GLIS3: variants seen among roughly 807,000 people sequenced by gnomAD.
GLIS3 encodes zinc finger protein GLIS3.
A neutral mutation model predicts 78.6 loss-of-function variants in GLIS3; 53 were observed. The observed-to-expected ratio is 0.67, with a 90% confidence interval of 0.54 to 0.85. The LOEUF (loss-of-function observed/expected upper bound fraction) is 0.85. Among genes scored for constraint, GLIS3 ranks in the 40% least tolerant of loss-of-function variants. The pLI, the probability that GLIS3 is intolerant of heterozygous loss-of-function variation, is 0.00. For synonymous variants in GLIS3, 684 were observed against 509.9 expected (o/e 1.34, Z -4.60); for missense variants, 1,703 against 1,231.1 (o/e 1.38, Z -5.74).
At position 4,059,830 on chromosome 9, in the gene GLIS3, G is replaced by GTC. The variant is rs1554684247; in HGVS notation, c.1710+57937_1710+57938insGA. On this transcript the variant is annotated intron_variant, in intron 4 of 10. Transcript: ENST00000381971. ...TGTGTGTGTGTGTGTGTGTGTGTGT[G>GTC]AGAGAGAGAGAGAGAGAGAGAGAGA... is the stretch of plus-strand genomic sequence containing the variant. Among the ~76,000 whole-genome samples, 240 of 29,462 alleles carry GTC rather than the reference G, an allele frequency of 8.1e-3. 2 individuals are homozygous for GTC. The highest frequency in any genetic ancestry group is 0.045 in the Middle Eastern group (2 of 44). 19.3% of individuals were successfully genotyped at this position (29,462 alleles called of 152,430 possible).
At chr9:4,008,685 T>C (rs1821751193) in intron 4 of GLIS3, among the ~76,000 whole-genome samples, 1 of 152,134 alleles carries the variant, frequency 6.6e-6, no homozygotes, top group Non-Finnish European at 1.5e-5. Context: ...TGCTTGCTTA[T>C]GTGAATTCTG....
chr9:4,017,814 T>A (rs1000081192), intron 4 of GLIS3, among the ~76,000 whole-genome samples: 4 of 152,176 alleles, frequency 2.6e-5, no homozygotes, highest in African/African-American at 9.7e-5. Context: ...GGGCACTAAG[T>A]CTCTGATGAA....
chr9:3,957,807 C>T (rs1453533954), intron 4 of GLIS3, among the ~76,000 whole-genome samples: 1 of 152,116 alleles, frequency 6.6e-6, no homozygotes, highest in Non-Finnish European at 1.5e-5. Flanking sequence ...GCATTTATAT[C>T]ATCTGCTCAG....
intron 4 of GLIS3, among the ~76,000 whole-genome samples, chr9:4,048,014 T>G (rs1410698113): frequency 6.6e-6 from 1 of 152,142 alleles, no homozygotes; most frequent in Non-Finnish European, 1.5e-5. Flanking sequence ...TGGGCAAGAC[T>G]CAGGGCTTAG....
chr9:3,864,060 G>C (rs945786461), intron 8 of GLIS3, among the ~76,000 whole-genome samples: 1 of 152,062 alleles, frequency 6.6e-6, no homozygotes, highest in Non-Finnish European at 1.5e-5. Flanking sequence ...GGCTGATTCT[G>C]CCAAATCCTC....
the GLIS3 span, among the ~76,000 whole-genome samples, chr9:4,426,251 G>A: frequency 6.6e-6 from 1 of 152,284 alleles, no homozygotes; most frequent in East Asian, 1.9e-4. Context: ...GATTTTAGAA[G>A]CTTCAGTTGT....
rs1465680597 is a variant in GLIS3 at position 3,879,446 on chromosome 9, C to T, written c.2278G>A (p.Val760Met). The T allele has an allele frequency of 1.2e-6, 2 of 1,614,148 alleles. No homozygotes were observed. The highest frequency in any genetic ancestry group is 1.7e-5 in the Admixed American group (1 of 60,030). ...PSSQLPPLTA[V>M]DAGAERFAPS... ...CCTTACCTCTCAGCTCCTGCGTCCA[C>T]AGCTGTGAGTGGAGGTAACTGGGAG... The change falls in exon 8 of 11, where the codon GTG becomes ATG. Residue 760 changes from valine to methionine, a missense_variant. By Grantham distance (21) the Val-to-Met change is conservative. Transcript: ENST00000381971.
intron 2 of GLIS3, among the ~76,000 whole-genome samples, chr9:4,277,051 T>C (rs1198496370): frequency 6.6e-6 from 1 of 152,188 alleles, no homozygotes; most frequent in Non-Finnish European, 1.5e-5. Flanking sequence ...ACCACGGATT[T>C]TGCCCCAACC....
At chr9:4,370,585 C>T in the GLIS3 span, among the ~76,000 whole-genome samples, 3,317 of 151,982 alleles carry the variant, frequency 0.022, 56 homozygotes, top group Non-Finnish European at 0.032. Context: ...AACTGTGCCT[C>T]GTGTGGAAGG....
the GLIS3 span, among the ~76,000 whole-genome samples, chr9:4,445,653 T>C: frequency 6.6e-6 from 1 of 151,806 alleles, no homozygotes; most frequent in Admixed American, 6.6e-5. Context: ...AAATAAGAAA[T>C]AAAAATAAAC....
chr9:3,965,966 C>T (rs1817907421), intron 4 of GLIS3, among the ~76,000 whole-genome samples: 1 of 152,258 alleles, frequency 6.6e-6, no homozygotes, highest in Non-Finnish European at 1.5e-5. Flanking sequence ...CCAGCTTCAG[C>T]ATCAGTGTCA....
intron 7 of GLIS3, among the ~76,000 whole-genome samples, chr9:3,896,756 A>T (rs1283326428): frequency 6.6e-6 from 1 of 151,712 alleles, no homozygotes; most frequent in Non-Finnish European, 1.5e-5. Context: ...GTTGAGCAAC[A>T]TGATCATCTG....
chr9:4,179,016 T>C (rs1023318245), intron 2 of GLIS3, among the ~76,000 whole-genome samples: 1 of 152,254 alleles, frequency 6.6e-6, no homozygotes, highest in Non-Finnish European at 1.5e-5. Context: ...GTTTTTGTTA[T>C]ATAACTTGGC....
chr9:4,310,348 A>C (rs1817330046), intron 3 of GLIS3: 1 of 152,204 alleles, frequency 6.6e-6, no homozygotes, highest in South Asian at 2.1e-4. Context: ...TTCTTAGGCA[A>C]ACTCAGCCAG....
chr9:4,182,710 T>C (rs1230420583), intron 2 of GLIS3, among the ~76,000 whole-genome samples: 1 of 152,176 alleles, frequency 6.6e-6, no homozygotes, highest in Non-Finnish European at 1.5e-5. Flanking sequence ...AGATAATATA[T>C]GAGATCATTG....
At chr9:3,919,956 T>C (rs1184872312) in intron 6 of GLIS3, among the ~76,000 whole-genome samples, 2 of 150,556 alleles carry the variant, frequency 1.3e-5, no homozygotes, top group Non-Finnish European at 3.0e-5. Context: ...ATTTCATAAC[T>C]AAGGAGAATA....
intron 4 of GLIS3, among the ~76,000 whole-genome samples, chr9:4,061,147 T>C (rs972041212): frequency 6.6e-6 from 1 of 151,992 alleles, no homozygotes; most frequent in South Asian, 2.1e-4. Context: ...ACATGTGCCA[T>C]GTTGGTGTGC....
intron 4 of GLIS3, among the ~76,000 whole-genome samples, chr9:4,094,220 A>G (rs1199874438): frequency 6.6e-6 from 1 of 152,226 alleles, no homozygotes; most frequent in Non-Finnish European, 1.5e-5. Flanking sequence ...TCATCAAATT[A>G]TTAAGAAGAC....
chr9:3,862,183 C>T (rs1342012538), intron 8 of GLIS3, among the ~76,000 whole-genome samples: 2 of 152,076 alleles, frequency 1.3e-5, no homozygotes, highest in Non-Finnish European at 2.9e-5. Context: ...AAATAATTTG[C>T]TTAAAGTCAC....
Sources: gnomAD v4.1 joint callset for allele counts (sites outside exome capture counted in the v4.1 genomes callset) on GRCh38, gnomAD v4.1.1 for gene constraint, MANE v1.5 for transcripts, NCBI Gene and HGNC (gene_info 2026-07-23, HGNC 2026-07-21) for gene names.